Variants in UBP1 observed in about 807,000 individuals in gnomAD.
The protein encoded by UBP1 is upstream binding protein 1.
UBP1 carries 22 observed loss-of-function variants against 76.1 expected under a neutral mutation model. That is an observed-to-expected ratio of 0.29 (90% CI 0.21 to 0.41). The LOEUF (loss-of-function observed/expected upper bound fraction) is 0.41, where lower values mean the gene tolerates loss of function less well. Among genes scored for constraint, UBP1 ranks in the 10% least tolerant of loss-of-function variants. The pLI is 1.00. For missense variants in UBP1, 436 were observed against 668.1 expected, an observed-to-expected ratio of 0.65 and a Z score of 3.83; for synonymous variants, 224 against 237.1, an observed-to-expected ratio of 0.94 and a Z score of 0.51.
chr3:33,433,434 C>G (rs1202919557), intron 1 of UBP1, among the ~76,000 whole-genome samples: 1 of 148,710 alleles, frequency 6.7e-6, no homozygotes, highest in Non-Finnish European at 1.5e-5. Context: ...GCGGGCAGAT[C>G]ACGAAGTCAG....
chr3:33,395,568 C>T (rs887028535), intron 13 of UBP1, among the ~76,000 whole-genome samples: 2 of 151,810 alleles, frequency 1.3e-5, no homozygotes, highest in East Asian at 1.9e-4. Context: ...CCCAAGATAA[C>T]GTACTGGGTA....
rs930377223 is a variant in UBP1 at position 33,400,900 on chromosome 3, A to C, written c.1086+62T>G. On this transcript the variant is annotated intron_variant, in intron 10 of 15. Coordinates refer to ENST00000283629, the MANE Select transcript of UBP1 (RefSeq NM_014517.5). Reference sequence around the variant, plus strand: ...ACCTACTCCATACATTTGCACAAAAACCAAAACTTTAAAATGTAGAACCCT... The same window carrying C: ...ACCTACTCCATACATTTGCACAAAACCCAAAACTTTAAAATGTAGAACCCT... The C allele has an allele frequency of 5.9e-6, 9 of 1,528,752 alleles. No homozygotes were observed. The African/African-American group carries it at 1.3e-4, about 22-fold the overall frequency. The allele number at this position is 1,528,752 out of a possible 1,614,324, so 94.7% of individuals were successfully genotyped here.
chr3:33,414,280 G>C (rs1362534169), intron 3 of UBP1: 2 of 152,114 alleles, frequency 1.3e-5, no homozygotes, highest in Non-Finnish European at 2.9e-5. Flanking sequence ...GAAAAAGAAA[G>C]AGAGGGAGGA....
At chr3:33,418,980 T>C (rs1441706701) in intron 2 of UBP1, among the ~76,000 whole-genome samples, 1 of 151,436 alleles carries the variant, frequency 6.6e-6, no homozygotes, top group Non-Finnish European at 1.5e-5. Flanking sequence ...TTCTTAAACA[T>C]ATTGAAAGAC....
intron 5 of UBP1, among the ~76,000 whole-genome samples, chr3:33,411,208 AG>A (rs1400199125): frequency 2.0e-5 from 3 of 152,338 alleles, no homozygotes; most frequent in African/African-American, 7.2e-5. Flanking sequence ...TGAATTTTTC[AG>A]TATTAGAATG....
At chr3:33,431,066 A>G (rs994722127) in intron 1 of UBP1, among the ~76,000 whole-genome samples, 5 of 152,206 alleles carry the variant, frequency 3.3e-5, no homozygotes, top group Admixed American at 3.3e-4. Flanking sequence ...ACTGAAAAAG[A>G]GCAAAAAGAA....
rs766376045 is a variant in UBP1, at chr3:33,425,577, TAAC to T, written c.265+10_265+12del. 61 of 1,508,640 alleles carry T rather than the reference TAAC, an allele frequency of 4.0e-5. No individual in the cohort carries two copies. The South Asian group carries it at 8.0e-4, about 20-fold the overall frequency. 93.5% of individuals were successfully genotyped at this position (1,508,640 alleles called of 1,614,324 possible). On this transcript the variant is annotated intron_variant, in intron 2 of 15. Transcript: ENST00000283629. ...AAATTCTTACATGTCAAATGTGACATAACCACACTAACCTTGGTTCAAATAAGT... is the reference window on the plus strand; with the variant it reads ...AAATTCTTACATGTCAAATGTGACATCACACTAACCTTGGTTCAAATAAGT...
At chr3:33,431,785 T>G (rs1223389093) in intron 1 of UBP1, among the ~76,000 whole-genome samples, 1 of 149,092 alleles carries the variant, frequency 6.7e-6, no homozygotes, top group East Asian at 2.0e-4. Context: ...ATTTTCCCAG[T>G]AAATAACTAA....
chr3:33,414,086 CTAAAA>C (rs1292232818), intron 3 of UBP1: 1 of 130,042 alleles, frequency 7.7e-6, no homozygotes. Context: ...GAAGGTTGGA[CTAAAA>C]TACTAAAGAT....
intron 8 of UBP1, among the ~76,000 whole-genome samples, chr3:33,407,425 A>G (rs2044456659): frequency 6.6e-6 from 1 of 152,160 alleles, no homozygotes; most frequent in Admixed American, 6.5e-5. Context: ...AAAGAAGTTT[A>G]CTAAGAACCA....
intron 14 of UBP1, 58 bp downstream of exon 14, chr3:33,393,254 A>G: frequency 1.3e-6 from 2 of 1,500,484 alleles, no homozygotes; most frequent in Middle Eastern, 1.8e-4. Context: ...CAGTTCTACA[A>G]TTACATGTAT....
At chr3:33,416,650 T>TA in intron 3 of UBP1, 108 bp downstream of exon 3, 2 of 841,618 alleles carry the variant, frequency 2.4e-6, no homozygotes, top group South Asian at 4.2e-5. Context: ...CTCATAAAGT[T>TA]AAAAAGTTGT....
At chr3:33,394,992 T>C (rs1252498300) in intron 13 of UBP1, among the ~76,000 whole-genome samples, 1 of 152,162 alleles carries the variant, frequency 6.6e-6, no homozygotes, top group African/African-American at 2.4e-5. Context: ...AAAAGTTTGC[T>C]GATTATGGGA....
At chr3:33,390,495 G>A (rs909844574) in intron 15 of UBP1, 127 bp from the exon 16 acceptor site, 1 of 957,974 alleles carries the variant, frequency 1.0e-6, no homozygotes, top group African/African-American at 1.7e-5. Flanking sequence ...TGATTCTAGA[G>A]AAACAAGCAG....
intron 1 of UBP1, among the ~76,000 whole-genome samples, chr3:33,437,060 A>T (rs2045215578): frequency 6.6e-6 from 1 of 152,148 alleles, no homozygotes; most frequent in African/African-American, 2.4e-5. Flanking sequence ...AAATATAACC[A>T]CCAAAAAAGA....
chr3:33,416,805 T>C lies in UBP1; in HGVS notation c.295A>G (p.Asn99Asp). 1 of 1,613,774 alleles carries C rather than the reference T, an allele frequency of 6.2e-7. No homozygotes were observed. Among genetic ancestry groups the C allele is most frequent in the Non-Finnish European group, 8.5e-7 (1 of 1,179,768 alleles). Residue 99 changes from asparagine (N) to aspartate (D), a missense_variant, in exon 3 of 16, where the codon AAT becomes GAT. Physicochemically the swap from Asn to Asp is conservative, Grantham distance 23. Transcript: ENST00000283629. ...TCAGGCATATCACCCATTTTCCGAT[T>C]ATCCAGCATCCGAATTTCATATGAC... Reference protein sequence around the residue: ...GQSYEIRMLDNRKMGDMPEIN... With the variant: ...GQSYEIRMLDDRKMGDMPEIN...
At chr3:33,408,449 T>C (rs920130876) in intron 8 of UBP1, among the ~76,000 whole-genome samples, 1 of 152,146 alleles carries the variant, frequency 6.6e-6, no homozygotes. Context: ...AGTGTCTTTT[T>C]TTCCCTCCAA....
chr3:33,441,348 A>C (rs551944026), upstream of UBP1: 1 of 152,306 alleles, frequency 6.6e-6, no homozygotes, highest in Non-Finnish European at 1.5e-5. Context: ...AGAGAACGTC[A>C]AGGCCCGGGC....
chr3:33,440,085 A>G lies in UBP1; in HGVS notation c.-237T>C. The G allele has an allele frequency of 2.3e-6, 1 of 433,614 alleles. No individual in the cohort carries two copies. Among genetic ancestry groups the G allele is most frequent in the Non-Finnish European group, 4.0e-6 (1 of 248,970 alleles). 26.9% of individuals were successfully genotyped at this position (433,614 alleles called of 1,614,324 possible). ...CGCCGGCAGCGCCACCCTCCCGCGG[A>G]CACCGGCCCTGCGCCTCATGCCGGC... On this transcript the variant is annotated 5_prime_UTR_variant, in exon 1 of 16. Coordinates refer to ENST00000283629, the MANE Select transcript of UBP1 (RefSeq NM_014517.5).
Sources: allele counts gnomAD v4.1 joint callset (sites outside exome capture counted in the v4.1 genomes callset), GRCh38; gene constraint gnomAD v4.1.1; transcripts MANE v1.5; gene names NCBI Gene and HGNC (gene_info 2026-07-23, HGNC 2026-07-21).